The following CNN2 variants were observed in gnomAD, a reference collection of about 807,000 sequenced individuals.
CNN2 encodes calponin-2.
Under a neutral mutation model 31.0 loss-of-function variants are expected in CNN2, and 21 were observed. The ratio of observed to expected loss-of-function variants is 0.68; its 90% CI spans 0.48 to 0.98. The LOEUF is 0.98. Ranked by LOEUF, CNN2 falls within the 50% of genes least tolerant of loss-of-function variation. The pLI, the probability that CNN2 is intolerant of heterozygous loss-of-function variation, is 0.00. For missense variants in CNN2, 399 were observed against 427.3 expected (o/e 0.93, Z 0.58); for synonymous variants, 165 against 179.6 (o/e 0.92, Z 0.65).
chr19:1,030,743 G>A (rs535969699), intron 1 of CNN2, among the ~76,000 whole-genome samples: 1 of 152,206 alleles, frequency 6.6e-6, no homozygotes, highest in East Asian at 1.9e-4. Context: ...GTGATATAGC[G>A]GGGAGGTGAG....
intron 1 of CNN2, among the ~76,000 whole-genome samples, chr19:1,027,434 G>C (rs985413011): frequency 1.3e-5 from 2 of 152,272 alleles, no homozygotes; most frequent in South Asian, 2.1e-4. Context: ...CAGCACTTTG[G>C]GGGGCGGAGC....
At chr19:1,035,254 G>A (rs894173637) in intron 4 of CNN2, among the ~76,000 whole-genome samples, 1 of 151,980 alleles carries the variant, frequency 6.6e-6, no homozygotes, top group Non-Finnish European at 1.5e-5. Flanking sequence ...GGTGTAGAAT[G>A]GAATGGGAGT....
rs540058304 is a variant in CNN2 at position 1,026,627 on chromosome 19, C to T, written c.-35C>T. The T allele has an allele frequency of 6.4e-5, 96 of 1,508,304 alleles. No homozygotes were observed. The highest frequency in any genetic ancestry group is 8.0e-5 in the Non-Finnish European group (90 of 1,125,760). The allele number at this position is 1,508,304 out of a possible 1,614,324, so 93.4% of individuals were successfully genotyped here. On this transcript the variant is annotated 5_prime_UTR_variant, in exon 1 of 7. Transcript: ENST00000263097. ...CCCGGCGGTCCCGTCCCGTCCCGTC[C>T]TGTGCGGCCCCGTCCCGCCGCCCGC...
intron 2 of CNN2, 45 bp downstream of exon 2, chr19:1,031,237 T>C: frequency 6.7e-7 from 1 of 1,503,732 alleles, no homozygotes; most frequent in Non-Finnish European, 9.0e-7. Flanking sequence ...TTAACAAATC[T>C]TGGTTTTTCT....
rs754888979 is a variant in CNN2 at position 1,026,721 on chromosome 19, C to G, written c.60C>G (p.Asn20Lys). The change falls in exon 1 of 7, where the codon AAC (asparagine) becomes AAG (lysine). Residue 20 changes from asparagine (N) to lysine (K), a missense_variant. Asn to Lys is a moderately conservative substitution (Grantham distance 94). Coordinates refer to ENST00000263097, the MANE Select transcript of CNN2 (RefSeq NM_004368.4). ...ACGGGCTGTCGGCCGAGGTCAAGAA[C>G]CGGGTGAGTGAGGGGCGCCCCTTGT... ...PSYGLSAEVK[N>K]RLLSKYDPQK... is the part of the protein sequence containing the mutation. 32 of 1,550,724 alleles carry G rather than the reference C, an allele frequency of 2.1e-5. No individual in the cohort carries two copies. Among genetic ancestry groups the G allele is most frequent in the South Asian group, 1.5e-4 (13 of 84,272 alleles).
In CNN2 at chr19:1,030,282, C is replaced by T. The variant is rs76577798; in HGVS notation, c.64-789C>T. On this transcript the variant is annotated intron_variant, in intron 1 of 6. Transcript: ENST00000263097. Reference sequence around the variant, plus strand: ...GGAATCGGTGGCAAGGAGCCAGGTGCGTGACTAGAGGCGGTCAGCCTCGGG... The same window carrying T: ...GGAATCGGTGGCAAGGAGCCAGGTGTGTGACTAGAGGCGGTCAGCCTCGGG... 1.7e-4 allele frequency among the ~76,000 whole-genome samples: 26 copies of T among 152,218 alleles called. No homozygotes were observed. In the East Asian group the frequency reaches 3.9e-3, roughly 23 times the overall value.
rs1340313873 is a variant in CNN2, at chr19:1,039,025, A to C, written c.*1125A>C. ...GCTCCGTGAGATAATGTGAAATACG[A>C]CTGTGGACCAAACGCAATAAAACCT... On this transcript the variant is annotated 3_prime_UTR_variant, in exon 7 of 7. Coordinates refer to ENST00000263097, the MANE Select transcript of CNN2 (RefSeq NM_004368.4). 1 of 152,424 alleles carries C rather than the reference A, an allele frequency of 6.6e-6. No homozygotes were observed. Among genetic ancestry groups the C allele is most frequent in the Non-Finnish European group, 1.5e-5 (1 of 68,074 alleles). The allele number at this position is 152,424 out of a possible 1,614,324, so 9.4% of individuals were successfully genotyped here.
intron 1 of CNN2, 78 bp from the exon 2 acceptor site, chr19:1,030,993 C>A (rs2039480296): frequency 1.3e-6 from 2 of 1,516,376 alleles, no homozygotes; most frequent in African/African-American, 1.4e-5. Context: ...CCCGGCCCCA[C>A]CCTCTGCAGA....
intron 1 of CNN2, among the ~76,000 whole-genome samples, chr19:1,030,387 A>G (rs1053925564): frequency 2.0e-5 from 3 of 152,084 alleles, no homozygotes; most frequent in East Asian, 1.9e-4. Context: ...AGCACTTTGG[A>G]GGGCTGAGAC....
chr19:1,028,146 C>G (rs1038437814), intron 1 of CNN2, among the ~76,000 whole-genome samples: 1 of 152,106 alleles, frequency 6.6e-6, no homozygotes, highest in African/African-American at 2.4e-5. Context: ...TTCCAGCTGC[C>G]CAGGGCCACA....
Position 1,038,910 on chromosome 19 carries a change from C to T in CNN2, c.*1010C>T, listed in dbSNP as rs964412252. On this transcript the variant is annotated 3_prime_UTR_variant, in exon 7 of 7. Coordinates refer to ENST00000263097, the MANE Select transcript of CNN2 (RefSeq NM_004368.4). ...TTTAAGGAGCCCCCAGCCCTCCTCC[C>T]TTCTGGGCCCGACCAGCTTATACTG... 6.6e-6 allele frequency: 1 copy of T among 152,380 alleles called. No individual in the cohort carries two copies. Among genetic ancestry groups the T allele is most frequent in the Non-Finnish European group, 1.5e-5 (1 of 68,116 alleles). The allele number at this position is 152,380 out of a possible 1,614,324, so 9.4% of individuals were successfully genotyped here. A position where few individuals can be genotyped will look rare whatever the true frequency, so the allele number is the denominator to read the frequency against.
At chr19:1,033,478 G>A (rs1333380398) in intron 4 of CNN2, among the ~76,000 whole-genome samples, 1 of 152,188 alleles carries the variant, frequency 6.6e-6, no homozygotes, top group Non-Finnish European at 1.5e-5. Flanking sequence ...TCCAGCCTGG[G>A]CAACAGAGCA....
At position 1,031,088 on chromosome 19, in the gene CNN2, C is replaced by A; in HGVS notation, c.81C>A (p.Asp27Glu). Residue 27 changes from aspartate (D) to glutamate (E), a missense_variant, in exon 2 of 7, where the codon GAC becomes GAA. Asp to Glu is a conservative substitution (Grantham distance 45, BLOSUM62 2). Coordinates refer to ENST00000263097, the MANE Select transcript of CNN2 (RefSeq NM_004368.4). Reference sequence around the variant, plus strand: ...TCCACCAGCTCCTGTCCAAATATGACCCCCAGAAGGAGGCAGAGCTCCGCA... The same window carrying A: ...TCCACCAGCTCCTGTCCAAATATGAACCCCAGAAGGAGGCAGAGCTCCGCA... ...EVKNRLLSKY[D>E]PQKEAELRTW... 1 of 1,612,898 alleles carries A rather than the reference C, an allele frequency of 6.2e-7. No individual in the cohort carries two copies. Among genetic ancestry groups the A allele is most frequent in the Non-Finnish European group, 8.5e-7 (1 of 1,179,630 alleles).
intron 2 of CNN2, 39 bp from the exon 3 acceptor site, chr19:1,032,353 G>A (rs371989421): frequency 6.2e-7 from 1 of 1,611,614 alleles, no homozygotes; most frequent in African/African-American, 1.3e-5. Context: ...GCTGCTCACA[G>A]AGGTTTCTGT....
intron 1 of CNN2, among the ~76,000 whole-genome samples, chr19:1,027,569 T>C (rs2039418862): frequency 6.6e-6 from 1 of 152,166 alleles, no homozygotes; most frequent in Admixed American, 6.5e-5. Flanking sequence ...CTTGTGGTTC[T>C]AGCTCAGAGA....
At chr19:1,030,994 CCTCTG>C in intron 1 of CNN2, 72 bp from the exon 2 acceptor site, 1 of 1,519,666 alleles carries the variant, frequency 6.6e-7, no homozygotes, top group South Asian at 1.2e-5. Context: ...CCGGCCCCAC[CCTCTG>C]CAGAGCTTCT....
chr19:1,032,463 G>C lies in CNN2; in HGVS notation c.252+5G>C. On this transcript the variant is annotated splice_donor_5th_base_variant and intron_variant, in intron 3 of 6. Transcript: ENST00000263097. ...TCCATGCAGAACTGGCACCAGGTGA[G>C]GGGCTGGTGGAGCGGAGCAGGGATG... 6.2e-7 allele frequency: 1 copy of C among 1,613,634 alleles called. No individual in the cohort carries two copies. The highest frequency in any genetic ancestry group is 8.5e-7 in the Non-Finnish European group (1 of 1,179,938).
intron 1 of CNN2, among the ~76,000 whole-genome samples, chr19:1,029,948 C>T (rs769842772): frequency 9.2e-5 from 14 of 152,176 alleles, no homozygotes; most frequent in Non-Finnish European, 1.8e-4. Context: ...ATCCGCCCGC[C>T]TTGGCCTCCC....
At chr19:1,033,090 T>C (rs999971501) in intron 4 of CNN2, among the ~76,000 whole-genome samples, 3 of 151,332 alleles carry the variant, frequency 2.0e-5, no homozygotes, top group African/African-American at 7.3e-5. Context: ...CGTTTACAAA[T>C]ATTTCTGAGC....
Sources: gnomAD v4.1 joint callset for allele counts (sites outside exome capture counted in the v4.1 genomes callset) on GRCh38, gnomAD v4.1.1 for gene constraint, MANE v1.5 for transcripts, NCBI Gene and HGNC (gene_info 2026-07-23, HGNC 2026-07-21) for gene names.